Variants in FAM151B observed in about 807,000 individuals in gnomAD.
FAM151B encodes protein FAM151B.
A neutral mutation model predicts 31.2 loss-of-function variants in FAM151B; 24 were observed. The ratio of observed to expected loss-of-function variants is 0.77; its 90% CI spans 0.56 to 1.08. The LOEUF is 1.08. Among genes scored for constraint, FAM151B ranks in the 50% least tolerant of loss-of-function variants. FAM151B has a pLI of 0.00. For synonymous variants in FAM151B, 105 were observed against 111.4 expected, an observed-to-expected ratio of 0.94 and a Z score of 0.36; for missense variants, 293 against 328.6, an observed-to-expected ratio of 0.89 and a Z score of 0.84.
chr5:80,496,861 A>G (rs1192027087), intron 1 of FAM151B, among the ~76,000 whole-genome samples: 1 of 117,092 alleles, frequency 8.5e-6, no homozygotes, highest in Non-Finnish European at 1.6e-5. Flanking sequence ...CCCAAGCCGG[A>G]GTGCAGTGGT....
chr5:80,497,091 G>A (rs532165404), intron 1 of FAM151B, among the ~76,000 whole-genome samples: 145 of 151,884 alleles, frequency 9.5e-4, no homozygotes, highest in African/African-American at 3.3e-3. Context: ...GATTACAGGC[G>A]TGAGCCACCA....
intron 5 of FAM151B, among the ~76,000 whole-genome samples, chr5:80,541,123 C>A (rs554816795): frequency 2.4e-4 from 36 of 152,192 alleles, no homozygotes; most frequent in Non-Finnish European, 5.0e-4. Flanking sequence ...TGGTTTTCAG[C>A]TCATCAGAAA....
intron 5 of FAM151B, among the ~76,000 whole-genome samples, chr5:80,524,739 C>A (rs539932311): frequency 3.9e-5 from 6 of 152,204 alleles, no homozygotes; most frequent in African/African-American, 1.4e-4. Context: ...TTTCAGATAA[C>A]AAAATCTGGA....
Position 80,488,110 on chromosome 5 carries a change from C to A in FAM151B, c.-14C>A, listed in dbSNP as rs1440873818. ...CCAGCCTGGGCGCCTGCGCGGACGG[C>A]GGGCGTCGTCACCATGGCAGCATCC... On this transcript the variant is annotated 5_prime_UTR_variant, in exon 1 of 6. Coordinates refer to ENST00000282226, the MANE Select transcript of FAM151B (RefSeq NM_205548.3). 6.5e-7 allele frequency: 1 copy of A among 1,540,532 alleles called. No homozygotes were observed. The highest frequency in any genetic ancestry group is 1.2e-5 in the South Asian group (1 of 83,878).
chr5:80,530,920 CA>C (rs1745213938), intron 5 of FAM151B, among the ~76,000 whole-genome samples: 3 of 152,290 alleles, frequency 2.0e-5, no homozygotes, highest in African/African-American at 7.2e-5. Context: ...AAAGAGCCCG[CA>C]TTGCCAAGAC....
chr5:80,491,394 A>C (rs1580405527), intron 1 of FAM151B, among the ~76,000 whole-genome samples: 1 of 151,864 alleles, frequency 6.6e-6, no homozygotes, highest in African/African-American at 2.4e-5. Flanking sequence ...TATTATTGTT[A>C]GTTTTAGTGG....
chr5:80,538,518 T>C (rs1745698931), intron 5 of FAM151B, among the ~76,000 whole-genome samples: 1 of 36,388 alleles, frequency 2.7e-5, no homozygotes, highest in Non-Finnish European at 4.9e-5. Context: ...CTTTCTTTCC[T>C]TCCTTCCTTC....
At chr5:80,498,591 T>G in intron 1 of FAM151B, 4 of 1,061,840 alleles carry the variant, frequency 3.8e-6, no homozygotes, top group South Asian at 3.7e-5. Flanking sequence ...ATAATGTCTG[T>G]CAAAGTAGCT....
intron 5 of FAM151B, among the ~76,000 whole-genome samples, chr5:80,538,372 T>TTTTCCTTC (rs1745620007): frequency 1.8e-5 from 2 of 111,556 alleles, no homozygotes; most frequent in South Asian, 5.8e-4. Flanking sequence ...CAGCCTTTCT[T>TTTTCCTTC]TTTCTTTCTT....
intron 3 of FAM151B, among the ~76,000 whole-genome samples, chr5:80,515,171 T>G (rs1180177976): frequency 6.6e-6 from 1 of 151,672 alleles, no homozygotes; most frequent in Admixed American, 6.6e-5. Flanking sequence ...ACCCAGGAGG[T>G]GGAGGTTGCA....
chr5:80,529,646 G>T (rs569986704), intron 5 of FAM151B, among the ~76,000 whole-genome samples: 5 of 152,214 alleles, frequency 3.3e-5, no homozygotes, highest in Non-Finnish European at 7.4e-5. Flanking sequence ...AGAAGAAATG[G>T]ATAAATTCCT....
Position 80,499,911 on chromosome 5 carries a change from A to C in FAM151B, c.26-1881A>C, listed in dbSNP as rs530273064. 1.1e-4 allele frequency: 16 copies of C among 152,036 alleles called. 1 individual carries two copies. The highest frequency in any genetic ancestry group is 3.6e-4 in the African/African-American group (15 of 41,388). 9.4% of individuals were successfully genotyped at this position (152,036 alleles called of 1,614,324 possible). A position where few individuals can be genotyped will look rare whatever the true frequency, so the allele number is the denominator to read the frequency against. ...AATCCCTTTTCCGGGCACATACCCA[A>C]AGGAAATGAAATCACCACTTTGTAA... On this transcript the variant is annotated intron_variant, in intron 1 of 5. Transcript: ENST00000282226.
chr5:80,526,056 A>G (rs942201565), intron 5 of FAM151B, among the ~76,000 whole-genome samples: 5 of 152,104 alleles, frequency 3.3e-5, no homozygotes, highest in Admixed American at 6.6e-5. Flanking sequence ...GATGGGTTCA[A>G]GGATGCTCAG....
chr5:80,540,474 A>G (rs1745828219), intron 5 of FAM151B, among the ~76,000 whole-genome samples: 1 of 152,246 alleles, frequency 6.6e-6, no homozygotes, highest in Non-Finnish European at 1.5e-5. Context: ...AATTTATATC[A>G]ATGAATGTTT....
chr5:80,519,081 A>T (rs569740767), intron 3 of FAM151B, among the ~76,000 whole-genome samples: 50 of 152,328 alleles, frequency 3.3e-4, no homozygotes, highest in African/African-American at 1.2e-3. Flanking sequence ...AAATATACGT[A>T]TTTCTAATTT....
intron 5 of FAM151B, among the ~76,000 whole-genome samples, chr5:80,529,532 G>A (rs1235180716): frequency 4.6e-5 from 7 of 152,034 alleles, no homozygotes; most frequent in South Asian, 2.1e-4. Context: ...TCAAATAGAC[G>A]CAATAAAAAA....
At chr5:80,522,201 T>G in intron 5 of FAM151B, 63 bp downstream of exon 5, 1 of 1,492,594 alleles carries the variant, frequency 6.7e-7, no homozygotes, top group East Asian at 2.3e-5. Flanking sequence ...AGAAAGGGCA[T>G]GAAAATTGAT....
intron 5 of FAM151B, among the ~76,000 whole-genome samples, chr5:80,524,975 C>T (rs1744895676): frequency 6.6e-6 from 1 of 152,138 alleles, no homozygotes; most frequent in Non-Finnish European, 1.5e-5. Context: ...AAACCAAATG[C>T]ATACAGGCAC....
intron 5 of FAM151B, among the ~76,000 whole-genome samples, chr5:80,527,506 C>T (rs1255144265): frequency 2.0e-5 from 3 of 152,068 alleles, no homozygotes; most frequent in Non-Finnish European, 4.4e-5. Flanking sequence ...CCTAAATTGC[C>T]TACACCTAGG....
Sources: allele counts gnomAD v4.1 joint callset (sites outside exome capture counted in the v4.1 genomes callset), GRCh38; gene constraint gnomAD v4.1.1; transcripts MANE v1.5; gene names NCBI Gene and HGNC (gene_info 2026-07-23, HGNC 2026-07-21).